The following KRT2 variants were observed in gnomAD, a reference collection of about 807,000 sequenced individuals.
KRT2 encodes keratin, type II cytoskeletal 2 epidermal.
KRT2 carries 37 observed loss-of-function variants against 48.5 expected under a neutral mutation model. That is an observed-to-expected ratio of 0.76 (90% CI 0.59 to 1.00). The LOEUF (loss-of-function observed/expected upper bound fraction) is 1.00. KRT2 is among the 50% of genes least tolerant of loss of function. The pLI is 0.00. For missense variants in KRT2, 880 were observed against 815.2 expected, an observed-to-expected ratio of 1.08 and a Z score of -0.97; for synonymous variants, 324 against 312.2, an observed-to-expected ratio of 1.04 and a Z score of -0.40.
intron 5 of KRT2, 142 bp from the exon 6 acceptor site, chr12:52,647,997 G>A (rs1369600376): frequency 3.9e-6 from 5 of 1,275,962 alleles, no homozygotes; most frequent in Non-Finnish European, 5.6e-6. Context: ...ATGAGAGGTA[G>A]GGACTGTCTC....
chr12:52,650,441 A>G lies in KRT2; in HGVS notation c.698T>C (p.Ile233Thr). 6.2e-7 allele frequency: 1 copy of G among 1,614,162 alleles called. No homozygotes were observed. Among genetic ancestry groups the G allele is most frequent in the Non-Finnish European group, 8.5e-7 (1 of 1,179,986 alleles). The change falls in exon 2 of 9, where the codon ATC becomes ACC. Residue 233 changes from isoleucine to threonine, a missense_variant. By Grantham distance (89) the Ile-to-Thr change is moderately conservative. Coordinates refer to ENST00000309680, the MANE Select transcript of KRT2 (RefSeq NM_000423.3). ...ATCCAGATATCTCTTGAGGCTGTCG[A>G]TATACCCCTGGAAGATGGGCTCCAG... ...INLEPIFQGYIDSLKRYLDGL... is the reference protein window; with the variant it reads ...INLEPIFQGYTDSLKRYLDGL...
Position 52,645,140 on chromosome 12 carries a change from C to T in KRT2, c.1799G>A (p.Gly600Asp). ...GSGGGKHSSG[G>D]GSRGGSSSGG... is the part of the protein sequence containing the mutation. ...AGAGCTGGAGCCTCCTCTAGAGCCA[C>T]CTCCAGAGCTGTGTTTTCCACCTCC... The change falls in exon 9 of 9, where the codon GGT becomes GAT. Residue 600 changes from glycine to aspartate, a missense_variant. Transcript: ENST00000309680. The T allele has an allele frequency of 6.2e-7, 1 of 1,613,902 alleles. No homozygotes were observed. The highest frequency in any genetic ancestry group is 8.5e-7 in the Non-Finnish European group (1 of 1,179,984).
In KRT2 at chr12:52,644,721, C is replaced by T. The variant is rs750542770; in HGVS notation, c.*298G>A. 69 of 463,996 alleles carry T rather than the reference C, an allele frequency of 1.5e-4. No homozygotes were observed. Among genetic ancestry groups the T allele is most frequent in the Non-Finnish European group, 2.2e-4 (57 of 253,910 alleles). The allele number at this position is 463,996 out of a possible 1,614,324, so 28.7% of individuals were successfully genotyped here. A position where few individuals can be genotyped will look rare whatever the true frequency, so the allele number is the denominator to read the frequency against. ...CCTGGGTCCTCAACAGAATACACAT[C>T]TGGAAAATGGGCAATGCAAAGAGGC... is the stretch of plus-strand genomic sequence containing the variant. On this transcript the variant is annotated 3_prime_UTR_variant, in exon 9 of 9. Transcript: ENST00000309680.
At position 52,648,236 on chromosome 12, in the gene KRT2, C is replaced by A; in HGVS notation, c.1059G>T (p.Lys353Asn). The part of the protein sequence containing the change: ...LDLDSIIAEV[K>N]AQYEEIAQRS... Reference sequence around the variant, plus strand: ...TCTGGGCGATCTCCTCATACTGGGCCTTGACCTCGGCGATGATGCTATCCA... The same window carrying A: ...TCTGGGCGATCTCCTCATACTGGGCATTGACCTCGGCGATGATGCTATCCA... The change falls in exon 5 of 9, where the codon AAG becomes AAT. Residue 353 changes from lysine to asparagine, a missense_variant. Coordinates refer to ENST00000309680, the MANE Select transcript of KRT2 (RefSeq NM_000423.3). The A allele has an allele frequency of 6.2e-7, 1 of 1,614,196 alleles. No individual in the cohort carries two copies. The highest frequency in any genetic ancestry group is 8.5e-7 in the Non-Finnish European group (1 of 1,180,036).
At position 52,651,839 on chromosome 12, in the gene KRT2, A is replaced by AGGC. The variant is rs1555169875; in HGVS notation, c.303_304insGCC (p.Ser101_Phe102insAla). On this transcript the variant is annotated inframe_insertion, in exon 1 of 9. Transcript: ENST00000309680. ...CCACTGAAGCCGCTGCCACCTCCAA[A>AGGC]GCTGCTGCCGCCTCCAAAACCACCT... The AGGC allele has an allele frequency of 6.2e-7, 1 of 1,602,702 alleles. No homozygotes were observed. The highest frequency in any genetic ancestry group is 8.5e-7 in the Non-Finnish European group (1 of 1,173,982).
chr12:52,648,445 A>T (rs111552369), intron 4 of KRT2, 108 bp from the exon 5 acceptor site: 46 of 924,326 alleles, frequency 5.0e-5, no homozygotes, highest in African/African-American at 4.7e-4. Context: ...GACTAAGCAT[A>T]CACTAGGTGG....
intron 5 of KRT2, 46 bp from the exon 6 acceptor site, chr12:52,647,901 G>A (rs776884760): frequency 6.2e-7 from 1 of 1,612,708 alleles, no homozygotes; most frequent in South Asian, 1.1e-5. Context: ...TTCCAGCCTG[G>A]CTCACATTCC....
Position 52,645,627 on chromosome 12 carries a change from T to C in KRT2, c.1470-58A>G, listed in dbSNP as rs1941153020. On this transcript the variant is annotated intron_variant, in intron 7 of 8. Coordinates refer to ENST00000309680, the MANE Select transcript of KRT2 (RefSeq NM_000423.3). ...GGAACACTTAGGTTCTGTATGCATG[T>C]TGTTTTACCACTTCCACCCGCAAAT... is the stretch of plus-strand genomic sequence containing the variant. 8 of 1,564,944 alleles carry C rather than the reference T, an allele frequency of 5.1e-6. No homozygotes were observed. In the East Asian group the frequency reaches 1.8e-4, roughly 35 times the overall value.
rs556825530 is a variant in KRT2, at chr12:52,649,908, G to C, written c.861+6C>G. 227 of 1,611,218 alleles carry C rather than the reference G, an allele frequency of 1.4e-4. 2 individuals carry two copies. The South Asian group carries it at 2.0e-3, about 14-fold the overall frequency. ...CCACCCCCAGCCAAGACATTCTCTC[G>C]CTCACCTTTTTAAGCGTCACAAAAT... is the stretch of plus-strand genomic sequence containing the variant. On this transcript the variant is annotated splice_donor_region_variant and intron_variant, in intron 3 of 8. Coordinates refer to ENST00000309680, the MANE Select transcript of KRT2 (RefSeq NM_000423.3).
rs780949578 is a variant in KRT2, at chr12:52,646,828, G to A, written c.1381C>T (p.Arg461Cys). 25 of 1,614,104 alleles carry A rather than the reference G, an allele frequency of 1.5e-5. No individual in the cohort carries two copies. The highest frequency in any genetic ancestry group is 8.3e-5 in the Admixed American group (5 of 60,018). ...QAKEDLARLL[R>C]DYQELMNVKL... ...ACGTTCATCAGCTCCTGGTAGTCAC[G>A]CAGCAGCCGCGCCAAGTCCTCCTTG... The change falls in exon 7 of 9, where the codon CGT becomes TGT. Residue 461 changes from arginine (R) to cysteine (C), a missense_variant. Arg to Cys is a radical substitution (Grantham distance 180). Coordinates refer to ENST00000309680, the MANE Select transcript of KRT2 (RefSeq NM_000423.3).
Position 52,645,132 on chromosome 12 carries a change from T to C in KRT2, c.1807A>G (p.Arg603Gly), listed in dbSNP as rs745591811. 3 of 1,612,952 alleles carry C rather than the reference T, an allele frequency of 1.9e-6. No individual in the cohort carries two copies. The highest frequency in any genetic ancestry group is 2.2e-5 in the South Asian group (2 of 90,872). ...CCTCCTCCAGAGCTGGAGCCTCCTC[T>C]AGAGCCACCTCCAGAGCTGTGTTTT... ...GGKHSSGGGS[R>G]GGSSSGGGYG... Residue 603 changes from arginine (R) to glycine (G), a missense_variant, in exon 9 of 9, where the codon AGA becomes GGA. Arg to Gly is a moderately radical substitution (Grantham distance 125, BLOSUM62 -2). Transcript: ENST00000309680.
At position 52,652,004 on chromosome 12, in the gene KRT2, C is replaced by A. The variant is rs1304951872; in HGVS notation, c.139G>T (p.Gly47Cys). ...CCACCGAAGCCCCCGCCACCACCAC[C>A]ATGGCGGCTCAAGCAGGAGAAGCTG... ...TSSFSCLSRHGGGGGGFGGGG... is the reference protein window; with the variant it reads ...TSSFSCLSRHCGGGGGFGGGG... Residue 47 changes from glycine to cysteine, a missense_variant, in exon 1 of 9, where the codon GGT becomes TGT. Physicochemically the swap from Gly to Cys is radical, Grantham distance 159 (BLOSUM62 -3). Transcript: ENST00000309680. 3 of 1,611,590 alleles carry A rather than the reference C, an allele frequency of 1.9e-6. No individual in the cohort carries two copies. The highest frequency in any genetic ancestry group is 2.5e-6 in the Non-Finnish European group (3 of 1,179,930).
Position 52,648,194 on chromosome 12 carries a change from C to T in KRT2, c.1101G>A (p.Ala367=), listed in dbSNP as rs150782089. 208 of 1,614,198 alleles carry T rather than the reference C, an allele frequency of 1.3e-4. No homozygotes were observed. In the African/African-American group the frequency reaches 1.5e-3, roughly 12 times the overall value. ...TTGCCTTGCTGTGGTACAGGGCCTC[C>T]GCTTCTTCCTTGCTCCTCTGGGCGA... ...EEIAQRSKEE[A]EALYHSKYEE... Residue 367 remains alanine, a synonymous_variant, in exon 5 of 9, where the codon GCG becomes GCA. Coordinates refer to ENST00000309680, the MANE Select transcript of KRT2 (RefSeq NM_000423.3).
Position 52,652,096 on chromosome 12 carries a change from C to T in KRT2, c.47G>A (p.Gly16Glu). ...GCTGCTGAAGCCCCGGAATCCTCCT[C>T]CACCTCCTCCTCTTCCTCGAGATTT... Reference protein sequence around the residue: ...SCKSRGRGGGGGGFRGFSSGS... With the variant: ...SCKSRGRGGGEGGFRGFSSGS... The change falls in exon 1 of 9, where the codon GGA becomes GAA. Residue 16 changes from glycine (G) to glutamate (E), a missense_variant. Physicochemically the swap from Gly to Glu is moderately conservative, Grantham distance 98. Transcript: ENST00000309680. 1 of 1,587,446 alleles carries T rather than the reference C, an allele frequency of 6.3e-7. No individual in the cohort carries two copies. Among genetic ancestry groups the T allele is most frequent in the Non-Finnish European group, 8.5e-7 (1 of 1,173,024 alleles).
rs1350970466 is a variant in KRT2, at chr12:52,645,541, T to C, written c.1498A>G (p.Thr500Ala). The C allele has an allele frequency of 3.7e-6, 6 of 1,613,964 alleles. No homozygotes were observed. The highest frequency in any genetic ancestry group is 4.2e-6 in the Non-Finnish European group (5 of 1,180,012). ...RMSGDLSSNV[T>A]VSVTSSTISS... is the part of the protein sequence containing the mutation. ...ACCACACCCCATTACTTACACACAG[T>C]CACATTGCTGCTGAGGTCTCCAGAC... is the stretch of plus-strand genomic sequence containing the variant. Residue 500 changes from threonine (T) to alanine (A), a missense_variant, in exon 8 of 9, where the codon ACT becomes GCT. Thr to Ala is a moderately conservative substitution (Grantham distance 58). Transcript: ENST00000309680.
chr12:52,646,741 T>A lies in KRT2; in HGVS notation c.1468A>T (p.Arg490Trp), dbSNP rs1001108406. 1 of 1,614,044 alleles carries A rather than the reference T, an allele frequency of 6.2e-7. No homozygotes were observed. The highest frequency in any genetic ancestry group is 8.5e-7 in the Non-Finnish European group (1 of 1,179,930). The change falls in exon 7 of 9, where the codon AGG becomes TGG. Residue 490 changes from arginine to tryptophan, a missense_variant and splice_region_variant. Coordinates refer to ENST00000309680, the MANE Select transcript of KRT2 (RefSeq NM_000423.3). ...CTTCTCCCTTCCCAGTGCCCTCACC[T>A]GCACTCCTCGCCCTCCAGCAGTTTG... ...YRKLLEGEECRMSGDLSSNVT... is the reference protein window; with the variant it reads ...YRKLLEGEECWMSGDLSSNVT...
intron 7 of KRT2, among the ~76,000 whole-genome samples, chr12:52,645,814 G>T (rs1941155860): frequency 6.6e-6 from 1 of 152,196 alleles, no homozygotes; most frequent in African/African-American, 2.4e-5. Context: ...CAGTTGCGTG[G>T]TTGATCCAAG....
At chr12:52,645,846 T>C (rs1418547018) in intron 7 of KRT2, among the ~76,000 whole-genome samples, 1 of 152,216 alleles carries the variant, frequency 6.6e-6, no homozygotes, top group Admixed American at 6.5e-5. Flanking sequence ...GCAAATTCAC[T>C]TCCTACTTTG....
intron 4 of KRT2, 69 bp from the exon 5 acceptor site, chr12:52,648,406 T>C (rs1486373207): frequency 7.4e-7 from 1 of 1,356,746 alleles, no homozygotes. Context: ...GGCCTCTGTC[T>C]CCCAGCATAA....
Sources: allele counts gnomAD v4.1 joint callset (sites outside exome capture counted in the v4.1 genomes callset), GRCh38; gene constraint gnomAD v4.1.1; transcripts MANE v1.5; gene names NCBI Gene and HGNC (gene_info 2026-07-23, HGNC 2026-07-21).